The following KLHL1 variants were observed in gnomAD, a reference collection of about 807,000 sequenced individuals.
KLHL1 encodes kelch like family member 1.
KLHL1 carries 47 observed loss-of-function variants against 77.7 expected under a neutral mutation model. The ratio of observed to expected loss-of-function variants is 0.60; its 90% CI spans 0.48 to 0.77. The LOEUF (loss-of-function observed/expected upper bound fraction) is 0.77. KLHL1 is among the 30% of genes least tolerant of loss of function. The probability of loss-of-function intolerance (pLI) is 0.00; values close to 1 mark genes in which losing one functional copy is unlikely to be tolerated. For synonymous variants in KLHL1, 360 were observed against 325.2 expected (o/e 1.11, Z -1.15); for missense variants, 925 against 910.8 (o/e 1.02, Z -0.20).
intron 1 of KLHL1, among the ~76,000 whole-genome samples, chr13:70,081,514 G>T (rs1005125255): frequency 6.6e-6 from 1 of 152,174 alleles, no homozygotes; most frequent in Middle Eastern, 3.2e-3. Context: ...TTGGTTGTCA[G>T]CCAGAGGCTG....
At chr13:70,067,616 G>C (rs1372287) in intron 1 of KLHL1, among the ~76,000 whole-genome samples, 52,100 of 150,366 alleles carry the variant, frequency 0.35, 9,862 homozygotes, top group African/African-American at 0.51. Flanking sequence ...TAGTACAGGG[G>C]CTCAGATGAC....
At chr13:69,855,325 T>C (rs570869995) in intron 5 of KLHL1, among the ~76,000 whole-genome samples, 18 of 132,476 alleles carry the variant, frequency 1.4e-4, no homozygotes, top group African/African-American at 4.7e-4. Flanking sequence ...GATAGATAGA[T>C]AGATAGATAG....
At chr13:69,860,719 A>G (rs1276525950) in intron 5 of KLHL1, among the ~76,000 whole-genome samples, 1 of 151,076 alleles carries the variant, frequency 6.6e-6, no homozygotes, top group East Asian at 1.9e-4. Flanking sequence ...ATTGTTTAAA[A>G]ATATTGTTCA....
At chr13:69,738,464 T>A (rs904627930) in intron 8 of KLHL1, among the ~76,000 whole-genome samples, 3 of 152,058 alleles carry the variant, frequency 2.0e-5, no homozygotes, top group Non-Finnish European at 2.9e-5. Flanking sequence ...GCTAAAGGGT[T>A]ATGTCCTAAC....
Position 69,764,392 on chromosome 13 carries a change from G to A in KLHL1, c.1640-23836C>T, listed in dbSNP as rs537247710. ...AATTGCTCTGAATCTATTCTGGTTCGAAGGGAGGCCCAATTTTCAAATCAT... is the reference window on the plus strand; with the variant it reads ...AATTGCTCTGAATCTATTCTGGTTCAAAGGGAGGCCCAATTTTCAAATCAT... On this transcript the variant is annotated intron_variant, in intron 7 of 10. Transcript: ENST00000377844. Among the ~76,000 whole-genome samples, 11 of 152,156 alleles carry A rather than the reference G, an allele frequency of 7.2e-5. No individual in the cohort carries two copies. In the East Asian group the frequency reaches 1.4e-3, roughly 19 times the overall value.
chr13:69,917,926 T>C (rs1187466250), intron 4 of KLHL1, among the ~76,000 whole-genome samples: 1 of 152,158 alleles, frequency 6.6e-6, no homozygotes, highest in African/African-American at 2.4e-5. Flanking sequence ...AAAGGTACTT[T>C]ACTGTCTACA....
chr13:70,017,867 A>G (rs747215422), intron 1 of KLHL1, among the ~76,000 whole-genome samples: 9 of 152,206 alleles, frequency 5.9e-5, no homozygotes, highest in Non-Finnish European at 1.2e-4. Flanking sequence ...AATTCCAAAA[A>G]TTTAAGGGTG....
rs761798467 is a variant in KLHL1, at chr13:69,707,813, A to G, written c.2016-17T>C. On this transcript the variant is annotated splice_polypyrimidine_tract_variant and intron_variant, in intron 9 of 10. Coordinates refer to ENST00000377844, the MANE Select transcript of KLHL1 (RefSeq NM_020866.3). ...GGATCATATCTAAAATTCAATGACA[A>G]TAGTACATAACATATTCTAATCACA... 63 of 1,606,960 alleles carry G rather than the reference A, an allele frequency of 3.9e-5. No individual in the cohort carries two copies. Among genetic ancestry groups the G allele is most frequent in the Non-Finnish European group, 4.9e-5 (58 of 1,175,174 alleles).
At chr13:69,918,907 C>G (rs1882535069) in intron 4 of KLHL1, among the ~76,000 whole-genome samples, 1 of 152,136 alleles carries the variant, frequency 6.6e-6, no homozygotes, top group African/African-American at 2.4e-5. Context: ...CTTTACTCTT[C>G]ATCACCTCCC....
chr13:69,728,404 A>ATTGTTTGT (rs71815356), intron 8 of KLHL1, among the ~76,000 whole-genome samples: 1 of 150,402 alleles, frequency 6.6e-6, no homozygotes, highest in African/African-American at 2.5e-5. Flanking sequence ...CCTTGTAAAA[A>ATTGTTTGT]TTGTTTGTTT....
In KLHL1 at chr13:70,098,791, C is replaced by T. The variant is rs564198199; in HGVS notation, c.497+8412G>A. On this transcript the variant is annotated intron_variant, in intron 1 of 10. Transcript: ENST00000377844. ...AGGATATCTTAATGTTCCTATATAC[C>T]TGCTGTATTATATTATAGTTTTAAT... 3.8e-3 allele frequency among the ~76,000 whole-genome samples: 576 copies of T among 151,280 alleles called. 1 individual carries two copies. The highest frequency in any genetic ancestry group is 5.9e-3 in the Non-Finnish European group (396 of 67,624).
At chr13:69,991,165 G>T (rs1885017644) in intron 1 of KLHL1, among the ~76,000 whole-genome samples, 1 of 151,890 alleles carries the variant, frequency 6.6e-6, no homozygotes, top group Non-Finnish European at 1.5e-5. Flanking sequence ...TTGTGAAGAG[G>T]AAAATTTATA....
At chr13:69,995,482 A>T (rs936106133) in intron 1 of KLHL1, among the ~76,000 whole-genome samples, 1 of 152,242 alleles carries the variant, frequency 6.6e-6, no homozygotes, top group Middle Eastern at 3.4e-3. Flanking sequence ...AAGTTATTTT[A>T]TTTAAATTAG....
At chr13:69,847,589 A>G (rs1443816199) in intron 5 of KLHL1, among the ~76,000 whole-genome samples, 1 of 151,300 alleles carries the variant, frequency 6.6e-6, no homozygotes, top group Non-Finnish European at 1.5e-5. Flanking sequence ...AAAAGTACTA[A>G]CTCTTCTAAA....
intron 2 of KLHL1, among the ~76,000 whole-genome samples, chr13:69,973,823 T>A (rs182017311): frequency 4.7e-4 from 71 of 152,196 alleles, no homozygotes; most frequent in Admixed American, 4.6e-4. Flanking sequence ...AGTTTTAAAC[T>A]ATAGTGTTAA....
chr13:69,702,431 C>A (rs1431247396), intron 10 of KLHL1, among the ~76,000 whole-genome samples: 5 of 151,600 alleles, frequency 3.3e-5, no homozygotes. Context: ...GACAAGCCAA[C>A]ATTTTGATAA....
At chr13:69,811,176 A>G (rs1439773112) in intron 6 of KLHL1, among the ~76,000 whole-genome samples, 1 of 152,066 alleles carries the variant, frequency 6.6e-6, no homozygotes, top group Admixed American at 6.6e-5. Flanking sequence ...AGTAACAACA[A>G]CGAAACTACA....
intron 4 of KLHL1, among the ~76,000 whole-genome samples, chr13:69,937,363 A>G (rs895381596): frequency 2.0e-5 from 3 of 152,198 alleles, no homozygotes; most frequent in Non-Finnish European, 4.4e-5. Flanking sequence ...TATGACAGTT[A>G]TTGTCATGCC....
chr13:69,816,890 A>G (rs73506320), intron 6 of KLHL1, among the ~76,000 whole-genome samples: 14,739 of 152,088 alleles, frequency 0.097, 788 homozygotes, highest in African/African-American at 0.12. Context: ...CCCAGGAGGC[A>G]GAGTTTGCAG....
Sources: gnomAD v4.1 joint callset for allele counts (sites outside exome capture counted in the v4.1 genomes callset) on GRCh38, gnomAD v4.1.1 for gene constraint, MANE v1.5 for transcripts, NCBI Gene and HGNC (gene_info 2026-07-23, HGNC 2026-07-21) for gene names.